Variants in CNTNAP5 observed in about 807,000 individuals in gnomAD.
CNTNAP5 encodes contactin associated protein family member 5.
CNTNAP5 carries 72 observed loss-of-function variants against 150.2 expected under a neutral mutation model. The observed-to-expected ratio is 0.48, with a 90% CI of 0.40 to 0.58. The LOEUF (loss-of-function observed/expected upper bound fraction) is 0.58, where lower values mean the gene tolerates loss of function less well. CNTNAP5 is among the 20% of genes least tolerant of loss of function. The probability of loss-of-function intolerance (pLI) is 0.00; values close to 1 mark genes in which losing one functional copy is unlikely to be tolerated. For synonymous variants in CNTNAP5, 672 were observed against 619.8 expected (o/e 1.08, Z -1.25); for missense variants, 1,636 against 1,626.2 (o/e 1.01, Z -0.10).
chr2:124,917,107 C>G lies in CNTNAP5; in HGVS notation c.*2819C>G, dbSNP rs116199352. Among the ~76,000 whole-genome samples the G allele has an allele frequency of 4.5e-3, 683 of 152,086 alleles. 5 individuals carry two copies. Among genetic ancestry groups the G allele is most frequent in the African/African-American group, 0.015 (617 of 41,550 alleles). ...GGAGACTTTGAAAGCATCTTAATCT[C>G]TCTTTAACCATTTTTTTTTTCTTTT... On this transcript the variant is annotated 3_prime_UTR_variant, in exon 24 of 24. Transcript: ENST00000682447.
chr2:124,251,867 G>C (rs768910112), intron 3 of CNTNAP5, among the ~76,000 whole-genome samples: 7 of 152,158 alleles, frequency 4.6e-5, no homozygotes, highest in Non-Finnish European at 1.0e-4. Flanking sequence ...TTCCACGAAT[G>C]GACTGTAAAA....
intron 3 of CNTNAP5, among the ~76,000 whole-genome samples, chr2:124,259,497 C>G (rs1687399006): frequency 6.6e-6 from 1 of 152,154 alleles, no homozygotes; most frequent in Non-Finnish European, 1.5e-5. Context: ...GTTCCTATTT[C>G]TCCACATCCT....
chr2:124,548,635 A>C (rs1335277582), intron 10 of CNTNAP5, among the ~76,000 whole-genome samples: 3 of 152,158 alleles, frequency 2.0e-5, no homozygotes, highest in East Asian at 1.9e-4. Context: ...GGAAAAAAAA[A>C]CAAAACAGTT....
At chr2:124,263,269 T>C (rs1164554939) in intron 3 of CNTNAP5, among the ~76,000 whole-genome samples, 1 of 152,154 alleles carries the variant, frequency 6.6e-6, no homozygotes, top group Non-Finnish European at 1.5e-5. Flanking sequence ...CCACCAACAG[T>C]GTAAAAGTGT....
At chr2:124,153,705 G>A (rs537207816) in intron 1 of CNTNAP5, among the ~76,000 whole-genome samples, 17 of 148,992 alleles carry the variant, frequency 1.1e-4, no homozygotes, top group Non-Finnish European at 1.9e-4. Context: ...CTCCTCCCAG[G>A]TTCACGCTAT....
chr2:124,877,711 T>C (rs1415889693), intron 21 of CNTNAP5, among the ~76,000 whole-genome samples: 1 of 152,046 alleles, frequency 6.6e-6, no homozygotes, highest in Admixed American at 6.6e-5. Flanking sequence ...AGTATTAAAG[T>C]TTTTCAAGGT....
chr2:124,707,140 G>GAGGAAGAA lies in CNTNAP5; in HGVS notation c.2078-40089_2078-40088insAGGAAGAA, dbSNP rs1679697343. 3.1e-3 allele frequency among the ~76,000 whole-genome samples: 270 copies of GAGGAAGAA among 86,490 alleles called. 2 individuals are homozygous for GAGGAAGAA. Among genetic ancestry groups the GAGGAAGAA allele is most frequent in the Middle Eastern group, 0.012 (2 of 162 alleles). 56.7% of individuals were successfully genotyped at this position (86,490 alleles called of 152,430 possible). A position where few individuals can be genotyped will look rare whatever the true frequency, so the allele number is the denominator to read the frequency against. ...AGAAGAAGAAAGAAGAAGAAGAAGA[G>GAGGAAGAA]GAAGAAGAAGAAGAAGAAGAAGAAG... is the stretch of plus-strand genomic sequence containing the variant. On this transcript the variant is annotated intron_variant, in intron 13 of 23. Transcript: ENST00000682447.
chr2:124,852,045 A>G (rs530043310), intron 19 of CNTNAP5, among the ~76,000 whole-genome samples: 1 of 152,330 alleles, frequency 6.6e-6, no homozygotes, highest in South Asian at 2.1e-4. Context: ...AGCTCTGAGT[A>G]GATGGTGAGA....
intron 19 of CNTNAP5, among the ~76,000 whole-genome samples, chr2:124,816,365 T>C (rs1682360725): frequency 6.6e-6 from 1 of 152,140 alleles, no homozygotes; most frequent in Non-Finnish European, 1.5e-5. Context: ...CTCAGTTTCT[T>C]GTAGTTTTGG....
intron 6 of CNTNAP5, among the ~76,000 whole-genome samples, chr2:124,453,860 A>C (rs1693048800): frequency 6.6e-6 from 1 of 152,188 alleles, no homozygotes. Context: ...CCAAGCCAGC[A>C]TTACAAGAAC....
chr2:124,578,363 GA>G (rs1416529039), intron 11 of CNTNAP5, among the ~76,000 whole-genome samples: 12 of 149,368 alleles, frequency 8.0e-5, no homozygotes, highest in South Asian at 2.1e-4. Context: ...CTGAACATGT[GA>G]AAAAAAACTG....
At chr2:124,104,573 G>C (rs184043139) in intron 1 of CNTNAP5, among the ~76,000 whole-genome samples, 4 of 151,994 alleles carry the variant, frequency 2.6e-5, no homozygotes, top group Non-Finnish European at 5.9e-5. Flanking sequence ...ATGATTTCCC[G>C]ACTGTCAAAT....
At chr2:124,479,365 G>T (rs12476991) in intron 7 of CNTNAP5, among the ~76,000 whole-genome samples, 71,375 of 151,868 alleles carry the variant, frequency 0.47, 16,897 homozygotes, top group Middle Eastern at 0.59. Context: ...TTCTCCCAGA[G>T]GCAAGGAGCA....
At chr2:124,559,431 A>G (rs1450103509) in intron 10 of CNTNAP5, among the ~76,000 whole-genome samples, 1 of 152,238 alleles carries the variant, frequency 6.6e-6, no homozygotes, top group Non-Finnish European at 1.5e-5. Context: ...TTTGGGGAGT[A>G]AGAGGAAAGC....
intron 1 of CNTNAP5, among the ~76,000 whole-genome samples, chr2:124,165,952 C>T (rs1684803662): frequency 6.6e-6 from 1 of 152,178 alleles, no homozygotes; most frequent in Non-Finnish European, 1.5e-5. Flanking sequence ...CTCCTCATTG[C>T]TTTCACACCC....
intron 19 of CNTNAP5, among the ~76,000 whole-genome samples, chr2:124,856,377 C>T (rs868713774): frequency 4.6e-5 from 7 of 152,106 alleles, no homozygotes; most frequent in Admixed American, 6.6e-5. Context: ...CTGGATCAAA[C>T]GGTAGTTCTA....
chr2:124,241,195 G>T (rs1227514887), intron 2 of CNTNAP5, among the ~76,000 whole-genome samples: 1 of 152,076 alleles, frequency 6.6e-6, no homozygotes, highest in South Asian at 2.1e-4. Flanking sequence ...GAAAATTTAG[G>T]CTACAAGTCT....
At chr2:124,404,825 A>T (rs1043116802) in intron 3 of CNTNAP5, among the ~76,000 whole-genome samples, 18 of 152,170 alleles carry the variant, frequency 1.2e-4, no homozygotes, top group Non-Finnish European at 2.2e-4. Flanking sequence ...ATTACAAGAA[A>T]CTTAACTTCT....
At chr2:124,198,476 C>A (rs538478226) in intron 1 of CNTNAP5, among the ~76,000 whole-genome samples, 2 of 151,762 alleles carry the variant, frequency 1.3e-5, no homozygotes, top group Non-Finnish European at 2.9e-5. Flanking sequence ...GAGTATACTG[C>A]GTGATGCTGA....
Sources: gnomAD v4.1 joint callset for allele counts (sites outside exome capture counted in the v4.1 genomes callset) on GRCh38, gnomAD v4.1.1 for gene constraint, MANE v1.5 for transcripts, NCBI Gene and HGNC (gene_info 2026-07-23, HGNC 2026-07-21) for gene names.